RBFOX1: variants seen among roughly 807,000 people sequenced by gnomAD.
RBFOX1 encodes the protein RNA binding protein fox-1 homolog 1.
A neutral mutation model predicts 57.7 loss-of-function variants in RBFOX1; 8 were observed. The ratio of observed to expected loss-of-function variants is 0.14; its 90% confidence interval spans 0.08 to 0.25. RBFOX1 has a LOEUF of 0.25. Among genes scored for constraint, RBFOX1 ranks in the 10% least tolerant of loss-of-function variants. The pLI is 1.00. For synonymous variants in RBFOX1, 326 were observed against 222.4 expected (o/e 1.47, Z -4.15); for missense variants, 611 against 548.5 (o/e 1.11, Z -1.14).
chr16:5,344,843 A>C (rs2065106096), intron 1 of RBFOX1, among the ~76,000 whole-genome samples: 1 of 152,252 alleles, frequency 6.6e-6, no homozygotes, highest in Non-Finnish European at 1.5e-5. Context: ...AGGTCATTTC[A>C]GGTCTCATCA....
At chr16:7,611,075 T>G (rs1020857140) in intron 10 of RBFOX1, among the ~76,000 whole-genome samples, 2 of 152,252 alleles carry the variant, frequency 1.3e-5, no homozygotes, top group Non-Finnish European at 2.9e-5. Context: ...GGTTGTGTGT[T>G]AATGACATGT....
chr16:7,376,588 C>T (rs1293309248), intron 4 of RBFOX1, among the ~76,000 whole-genome samples: 1 of 152,112 alleles, frequency 6.6e-6, no homozygotes, highest in Non-Finnish European at 1.5e-5. Flanking sequence ...AGCTAACTAC[C>T]AGGGGATGTC....
At chr16:5,386,926 C>G (rs960047926) in intron 1 of RBFOX1, among the ~76,000 whole-genome samples, 2 of 152,202 alleles carry the variant, frequency 1.3e-5, no homozygotes, top group African/African-American at 2.4e-5. Flanking sequence ...TGGTGGGTGC[C>G]TGTAATCCCA....
intron 4 of RBFOX1, chr16:7,510,160 C>G (rs1204421210): frequency 2.0e-6 from 2 of 985,526 alleles, no homozygotes; most frequent in South Asian, 4.7e-5. Context: ...GCCTCAGCCC[C>G]CCACCTTCCT....
At chr16:7,686,059 C>T (rs1232448535) in intron 14 of RBFOX1, among the ~76,000 whole-genome samples, 6 of 151,820 alleles carry the variant, frequency 4.0e-5, no homozygotes, top group Non-Finnish European at 7.4e-5. Flanking sequence ...TGCTTCTTTG[C>T]GTGGTTGTGA....
rs1388366593 is a variant in RBFOX1, at chr16:5,289,412, G to A, written c.219+49307G>A. On this transcript the variant is annotated intron_variant, in intron 1 of 2. Coordinates refer to the RBFOX1 transcript ENST00000585867. ...CCATATGGGGTGCTGCCATCATACCGAGATGTGCGAGAAGTATCAAATACA... is the reference window on the plus strand; with the variant it reads ...CCATATGGGGTGCTGCCATCATACCAAGATGTGCGAGAAGTATCAAATACA... The A allele has an allele frequency of 3.5e-5, 11 of 316,260 alleles. No individual in the cohort carries two copies. The South Asian group carries it at 5.0e-4, about 14-fold the overall frequency. The allele number at this position is 316,260 out of a possible 1,614,324, so 19.6% of individuals were successfully genotyped here.
chr16:6,724,212 T>C (rs1180722777), intron 3 of RBFOX1, among the ~76,000 whole-genome samples: 2 of 149,356 alleles, frequency 1.3e-5, no homozygotes, highest in Non-Finnish European at 3.0e-5. Flanking sequence ...TCTTCCATTT[T>C]TTTTTTTTTT....
chr16:5,984,287 T>C (rs529481563), intron 4 of RBFOX1, among the ~76,000 whole-genome samples: 1 of 149,198 alleles, frequency 6.7e-6, no homozygotes, highest in South Asian at 2.2e-4. Context: ...AAATACACGT[T>C]ACCTCTCTCC....
chr16:7,032,287 C>G (rs575373006), intron 3 of RBFOX1, among the ~76,000 whole-genome samples: 1 of 151,458 alleles, frequency 6.6e-6, no homozygotes, highest in Non-Finnish European at 1.5e-5. Context: ...AAAAACAAAA[C>G]AAAAAAATTT....
At chr16:6,518,548 C>G (rs1009865173) in intron 2 of RBFOX1, among the ~76,000 whole-genome samples, 2 of 151,984 alleles carry the variant, frequency 1.3e-5, no homozygotes, top group Admixed American at 6.5e-5. Context: ...CAAAATCATG[C>G]TCTGGCACCT....
chr16:7,548,702 C>G (rs1046521326), intron 5 of RBFOX1, among the ~76,000 whole-genome samples: 1 of 152,222 alleles, frequency 6.6e-6, no homozygotes, highest in African/African-American at 2.4e-5. Context: ...TCACCCATAT[C>G]TCCCATCGCC....
intron 4 of RBFOX1, among the ~76,000 whole-genome samples, chr16:7,515,806 T>C (rs899731506): frequency 2.6e-5 from 4 of 152,178 alleles, no homozygotes; most frequent in African/African-American, 9.7e-5. Flanking sequence ...TGGCCTCACG[T>C]GTAGGGAGGT....
intron 2 of RBFOX1, among the ~76,000 whole-genome samples, chr16:5,499,050 C>T (rs557130490): frequency 3.9e-4 from 60 of 152,276 alleles, no homozygotes; most frequent in Middle Eastern, 6.8e-3. Flanking sequence ...TCTCAATATG[C>T]ACAAGTGCCC....
chr16:6,897,919 C>A (rs571592543), intron 3 of RBFOX1, among the ~76,000 whole-genome samples: 2 of 152,300 alleles, frequency 1.3e-5, no homozygotes, highest in South Asian at 4.1e-4. Flanking sequence ...GTGTCTCAGA[C>A]ACGAGCTACC....
At chr16:7,514,269 G>C (rs2075852606) in intron 4 of RBFOX1, among the ~76,000 whole-genome samples, 1 of 152,092 alleles carries the variant, frequency 6.6e-6, no homozygotes, top group Admixed American at 6.6e-5. Flanking sequence ...CAAAATTTGG[G>C]CCAGGTTTGC....
chr16:5,271,684 A>C (rs541677743), intron 1 of RBFOX1, among the ~76,000 whole-genome samples: 18 of 152,324 alleles, frequency 1.2e-4, no homozygotes, highest in African/African-American at 4.3e-4. Flanking sequence ...AGAGGAGTTT[A>C]ACTTGTTCAA....
chr16:5,296,523 T>G (rs527657145), intron 1 of RBFOX1, among the ~76,000 whole-genome samples: 1 of 152,202 alleles, frequency 6.6e-6, no homozygotes, highest in South Asian at 2.1e-4. Flanking sequence ...AAATCCTTGG[T>G]TCTCAGCAGT....
Position 5,668,223 on chromosome 16 carries a change from G to A in RBFOX1, c.318+69262G>A, listed in dbSNP as rs184109582. On this transcript the variant is annotated intron_variant, in intron 3 of 19. Coordinates refer to the RBFOX1 transcript ENST00000641259. ...TTGAACCCGGGAGGCGGAGGTTGCA[G>A]TGAGCTGAGATCATACCACTGCACT... Among the ~76,000 whole-genome samples the A allele has an allele frequency of 7.2e-3, 1,096 of 152,268 alleles. 10 individuals carry two copies. Among genetic ancestry groups the A allele is most frequent in the African/African-American group, 0.025 (1,029 of 41,556 alleles).
rs865910086 is a variant in RBFOX1, at chr16:7,291,019, T to C, written c.28-227128T>C. Among the ~76,000 whole-genome samples, 4 of 152,210 alleles carry C rather than the reference T, an allele frequency of 2.6e-5. No individual in the cohort carries two copies. In the East Asian group the frequency reaches 5.8e-4, roughly 22 times the overall value. On this transcript the variant is annotated intron_variant, in intron 4 of 15. Coordinates refer to ENST00000550418, the MANE Select transcript of RBFOX1 (RefSeq NM_018723.4). ...ATTTATTTAACTAGGCACTGGGCATTCTGGGATTTGTACATTCATATCATT... is the reference window on the plus strand; with the variant it reads ...ATTTATTTAACTAGGCACTGGGCATCCTGGGATTTGTACATTCATATCATT...
Sources: allele counts gnomAD v4.1 joint callset (sites outside exome capture counted in the v4.1 genomes callset), GRCh38; gene constraint gnomAD v4.1.1; transcripts MANE v1.5; gene names NCBI Gene and HGNC (gene_info 2026-07-23, HGNC 2026-07-21).